Variants in CDHR1 observed in about 807,000 individuals in gnomAD.
CDHR1 encodes cadherin-related family member 1.
A neutral mutation model predicts 72.1 loss-of-function variants in CDHR1; 61 were observed. The ratio of observed to expected loss-of-function variants is 0.85; its 90% CI spans 0.69 to 1.05. CDHR1 has a LOEUF of 1.05. Among genes scored for constraint, CDHR1 ranks in the 50% least tolerant of loss-of-function variants. CDHR1 has a pLI of 0.00. For synonymous variants in CDHR1, 470 were observed against 448.1 expected (o/e 1.05, Z -0.62); for missense variants, 1,186 against 1,115.7 (o/e 1.06, Z -0.90).
In CDHR1 at chr10:84,216,704, A is replaced by T. The variant is rs1333290389; in HGVS notation, c.*2083A>T. ...AATTTTTGTCCAAATTGCCATGCAGATATCTTGAACAGCAGGACATTTGCA... is the reference window on the plus strand; with the variant it reads ...AATTTTTGTCCAAATTGCCATGCAGTTATCTTGAACAGCAGGACATTTGCA... On this transcript the variant is annotated 3_prime_UTR_variant, in exon 17 of 17. Coordinates refer to ENST00000623527, the MANE Select transcript of CDHR1 (RefSeq NM_033100.4). The T allele has an allele frequency of 3.0e-6, 3 of 985,350 alleles. No homozygotes were observed. Among genetic ancestry groups the T allele is most frequent in the African/African-American group, 1.7e-5 (1 of 57,240 alleles). The allele number at this position is 985,350 out of a possible 1,614,324, so 61.0% of individuals were successfully genotyped here.
rs201240638 is a variant in CDHR1, at chr10:84,214,546, C to A, written c.2505C>A (p.Pro835=). 3.1e-6 allele frequency: 5 copies of A among 1,601,772 alleles called. No individual in the cohort carries two copies. The South Asian group carries it at 5.5e-5, about 18-fold the overall frequency. The part of the protein sequence containing the change: ...PPPKPKTMGS[P]VQSTLISELK... The stretch of plus-strand genomic sequence containing the variant: ...CAAAACCCAAAACTATGGGAAGCCC[C>A]GTCCAGTCAACTCTGATCTCTGAGC... Residue 835 remains proline, a synonymous_variant, in exon 17 of 17, where the codon CCC becomes CCA. Transcript: ENST00000623527.
In CDHR1 at chr10:84,214,091, C is replaced by A. The variant is rs1448332690; in HGVS notation, c.2050C>A (p.Arg684=). The change falls in exon 17 of 17, where the codon CGG becomes AGG. Residue 684 remains arginine (R), a synonymous_variant. Transcript: ENST00000623527. ...IDITDAETLS[R]SPMAAFLIQT... ...TGGCTTTCTCTTTCAGACCCTCTCCCGGAGCCCCATGGCTGCCTTCCTGAT... is the reference window on the plus strand; with the variant it reads ...TGGCTTTCTCTTTCAGACCCTCTCCAGGAGCCCCATGGCTGCCTTCCTGAT... 3 of 1,614,194 alleles carry A rather than the reference C, an allele frequency of 1.9e-6. No individual in the cohort carries two copies. Among genetic ancestry groups the A allele is most frequent in the Middle Eastern group, 1.7e-4 (1 of 6,060 alleles).
chr10:84,212,447 G>A, intron 15 of CDHR1, 40 bp downstream of exon 15: 1 of 1,533,032 alleles, frequency 6.5e-7, no homozygotes, highest in Non-Finnish European at 9.0e-7. Context: ...AAAAGCCTGG[G>A]TCCAGCAGCT....
At chr10:84,210,568 A>AT (rs948827321) in intron 12 of CDHR1, among the ~76,000 whole-genome samples, 1 of 151,964 alleles carries the variant, frequency 6.6e-6, no homozygotes, top group Non-Finnish European at 1.5e-5. Context: ...CGCCTGACCT[A>AT]TTTTTTTGTT....
In CDHR1 at chr10:84,211,023, C is replaced by A. The variant is rs906183147; in HGVS notation, c.1343C>A (p.Thr448Asn). 6.2e-7 allele frequency: 1 copy of A among 1,614,216 alleles called. No individual in the cohort carries two copies. Among genetic ancestry groups the A allele is most frequent in the South Asian group, 1.1e-5 (1 of 91,084 alleles). Residue 448 changes from threonine to asparagine, a missense_variant, in exon 13 of 17, where the codon ACC becomes AAC. Coordinates refer to ENST00000623527, the MANE Select transcript of CDHR1 (RefSeq NM_033100.4). The part of the protein sequence containing the change: ...TFKLLAVEVN[T>N]PEKFSSTADV... ...CAGCTCCTGGCTGTTGAAGTGAACA[C>A]CCCAGAGAAGTTCAGTTCCACAGCG...
intron 9 of CDHR1, 174 bp from the exon 10 acceptor site, chr10:84,205,653 C>T (rs1187229995): frequency 1.5e-6 from 1 of 670,344 alleles, no homozygotes; most frequent in Non-Finnish European, 2.7e-6. Flanking sequence ...AACTGTGTAG[C>T]CTTAGACAAG....
Position 84,217,981 on chromosome 10 carries a change from C to T in CDHR1, c.*3360C>T, listed in dbSNP as rs184098382. ...TCAGAGCTGGGAAGGAGCCACCATG[C>T]TCTGCTTCTCTAAGGATTTCGGTGA... On this transcript the variant is annotated 3_prime_UTR_variant, in exon 17 of 17. Coordinates refer to ENST00000623527, the MANE Select transcript of CDHR1 (RefSeq NM_033100.4). The T allele has an allele frequency of 9.0e-5, 89 of 985,478 alleles. No individual in the cohort carries two copies. The Admixed American group carries it at 1.7e-3, about 19-fold the overall frequency. 61.0% of individuals were successfully genotyped at this position (985,478 alleles called of 1,614,324 possible).
At chr10:84,196,079 C>A (rs1842024927) in intron 2 of CDHR1, among the ~76,000 whole-genome samples, 1 of 152,190 alleles carries the variant, frequency 6.6e-6, no homozygotes, top group Non-Finnish European at 1.5e-5. Context: ...CAGGTCCAGG[C>A]ATCGGGGACA....
chr10:84,213,385 C>T (rs765170341), intron 16 of CDHR1, 37 bp downstream of exon 16: 1 of 1,613,630 alleles, frequency 6.2e-7, no homozygotes, highest in Non-Finnish European at 8.5e-7. Context: ...AAGGGGTCAG[C>T]AGGCCAGCTC....
chr10:84,212,073 A>T, intron 14 of CDHR1, 106 bp from the exon 15 acceptor site: 1 of 990,436 alleles, frequency 1.0e-6, no homozygotes, highest in Non-Finnish European at 1.6e-6. Context: ...GAGCTGCATG[A>T]CACCTCACTC....
rs899220846 is a variant in CDHR1 at position 84,212,042 on chromosome 10, A to C, written c.1554-137A>C. On this transcript the variant is annotated intron_variant, in intron 14 of 16. Transcript: ENST00000623527. The stretch of plus-strand genomic sequence containing the variant: ...CACTTAGATTGCAAGGATAGGAGGG[A>C]GCAGGTAGGACACTTTGGAGGAGCT... 7.8e-6 allele frequency: 6 copies of C among 770,828 alleles called. No homozygotes were observed. In the African/African-American group the frequency reaches 1.0e-4, roughly 13 times the overall value. 47.7% of individuals were successfully genotyped at this position (770,828 alleles called of 1,614,324 possible). A position where few individuals can be genotyped will look rare whatever the true frequency, so the allele number is the denominator to read the frequency against.
In CDHR1 at chr10:84,214,470, C is replaced by A. The variant is rs759646243; in HGVS notation, c.2429C>A (p.Thr810Asn). 6.2e-7 allele frequency: 1 copy of A among 1,610,652 alleles called. No homozygotes were observed. The highest frequency in any genetic ancestry group is 1.1e-5 in the South Asian group (1 of 91,074). Residue 810 changes from threonine to asparagine, a missense_variant, in exon 17 of 17, where the codon ACC becomes AAC. Transcript: ENST00000623527. ...CCCAGCACTGGCGCAGCCCAGTGGA[C>A]CGTGCCTACTGTCTCTGGCTCTCTC... The part of the protein sequence containing the change: ...VAPSTGAAQW[T>N]VPTVSGSLTP...
At position 84,214,960 on chromosome 10, in the gene CDHR1, T is replaced by C; in HGVS notation, c.*339T>C. 6 of 1,236,482 alleles carry C rather than the reference T, an allele frequency of 4.9e-6. No individual in the cohort carries two copies. Among genetic ancestry groups the C allele is most frequent in the Non-Finnish European group, 6.1e-6 (6 of 977,656 alleles). The allele number at this position is 1,236,482 out of a possible 1,614,324, so 76.6% of individuals were successfully genotyped here. ...AGCTCACCCATCCCAGACCTCACAGTCCCTCAGGTTCTACTGGGATCTCAT... is the reference window on the plus strand; with the variant it reads ...AGCTCACCCATCCCAGACCTCACAGCCCCTCAGGTTCTACTGGGATCTCAT... On this transcript the variant is annotated 3_prime_UTR_variant, in exon 17 of 17. Coordinates refer to ENST00000623527, the MANE Select transcript of CDHR1 (RefSeq NM_033100.4).
Position 84,215,537 on chromosome 10 carries a change from T to C in CDHR1, c.*916T>C. On this transcript the variant is annotated 3_prime_UTR_variant, in exon 17 of 17. Coordinates refer to ENST00000623527, the MANE Select transcript of CDHR1 (RefSeq NM_033100.4). Reference sequence around the variant, plus strand: ...CTCTTTTGCTCACATCGCGTAACCTTGGGAAAGCTGTTTAAAGTCGCTGAT... The same window carrying C: ...CTCTTTTGCTCACATCGCGTAACCTCGGGAAAGCTGTTTAAAGTCGCTGAT... The C allele has an allele frequency of 1.1e-6, 1 of 924,614 alleles. No homozygotes were observed. The highest frequency in any genetic ancestry group is 1.8e-5 in the African/African-American group (1 of 56,144). 57.3% of individuals were successfully genotyped at this position (924,614 alleles called of 1,614,324 possible). A position where few individuals can be genotyped will look rare whatever the true frequency, so the allele number is the denominator to read the frequency against.
Position 84,200,739 on chromosome 10 carries a change from T to C in CDHR1, c.525+52T>C, listed in dbSNP as rs190020254. Reference sequence around the variant, plus strand: ...CTGGGGCTGGGCCGGAGGGGACACCTAGATGGCCCCTACCTCCATCGCCCC... The same window carrying C: ...CTGGGGCTGGGCCGGAGGGGACACCCAGATGGCCCCTACCTCCATCGCCCC... On this transcript the variant is annotated intron_variant, in intron 6 of 16. Coordinates refer to ENST00000623527, the MANE Select transcript of CDHR1 (RefSeq NM_033100.4). The C allele has an allele frequency of 7.3e-5, 96 of 1,316,046 alleles. No individual in the cohort carries two copies. The African/African-American group carries it at 1.3e-3, about 18-fold the overall frequency. 81.5% of individuals were successfully genotyped at this position (1,316,046 alleles called of 1,614,324 possible). A position where few individuals can be genotyped will look rare whatever the true frequency, so the allele number is the denominator to read the frequency against.
chr10:84,204,617 C>G lies in CDHR1; in HGVS notation c.862+12C>G. 1 of 1,599,860 alleles carries G rather than the reference C, an allele frequency of 6.3e-7. No homozygotes were observed. The highest frequency in any genetic ancestry group is 1.1e-5 in the South Asian group (1 of 90,774). Reference sequence around the variant, plus strand: ...CAGCCTTGTAAATGGTGAGTCTGAGCAGCTTTGGGGGCTGCAGCTTTGACT... The same window carrying G: ...CAGCCTTGTAAATGGTGAGTCTGAGGAGCTTTGGGGGCTGCAGCTTTGACT... On this transcript the variant is annotated intron_variant, in intron 9 of 16. Transcript: ENST00000623527.
At chr10:84,195,420 C>G in intron 1 of CDHR1, 74 bp from the exon 2 acceptor site, 1 of 1,376,352 alleles carries the variant, frequency 7.3e-7, no homozygotes, top group Non-Finnish European at 1.0e-6. Flanking sequence ...CGGGACCGCG[C>G]TGGTGCGAAG....
At chr10:84,214,004 T>A in intron 16 of CDHR1, 78 bp from the exon 17 acceptor site, 1 of 1,591,766 alleles carries the variant, frequency 6.3e-7, no homozygotes, top group African/African-American at 1.3e-5. Context: ...CCATTAGGCT[T>A]AAGGAAGCAC....
At chr10:84,219,347 C>A, downstream of CDHR1, 1 of 1,531,592 alleles carries the variant, frequency 6.5e-7, no homozygotes, top group Middle Eastern at 1.8e-4. Flanking sequence ...TTTACAGAAG[C>A]AACTGAATAC....
Sources: allele counts gnomAD v4.1 joint callset (sites outside exome capture counted in the v4.1 genomes callset), GRCh38; gene constraint gnomAD v4.1.1; transcripts MANE v1.5; gene names NCBI Gene and HGNC (gene_info 2026-07-23, HGNC 2026-07-21).